Variants in NFRKB observed in about 807,000 individuals in gnomAD.
The protein encoded by NFRKB is nuclear factor related to kappaB binding protein, also known as nuclear factor related to kappa-B-binding protein.
In NFRKB, 62 loss-of-function variants were observed where a neutral mutation model predicts 135.7. The observed-to-expected ratio is 0.46, with a 90% CI of 0.37 to 0.56. The LOEUF (loss-of-function observed/expected upper bound fraction) is 0.56, where lower values mean the gene tolerates loss of function less well. Ranked by LOEUF, NFRKB falls within the 20% of genes least tolerant of loss-of-function variation. The pLI is 0.00. For synonymous variants in NFRKB, 678 were observed against 635.6 expected (o/e 1.07, Z -1.00); for missense variants, 1,545 against 1,662.0 (o/e 0.93, Z 1.22).
intron 3 of NFRKB, among the ~76,000 whole-genome samples, chr11:129,889,244 G>A (rs1432375764): frequency 6.6e-6 from 1 of 152,158 alleles, no homozygotes; most frequent in African/African-American, 2.4e-5. Context: ...TTACAGGCAT[G>A]AGCCACCATG....
intron 1 of NFRKB, among the ~76,000 whole-genome samples, chr11:129,894,975 A>C (rs1237653065): frequency 2.6e-5 from 4 of 152,164 alleles, no homozygotes; most frequent in Admixed American, 2.0e-4. Context: ...GTCCACTGAC[A>C]ACCTTTGCAC....
intron 6 of NFRKB, among the ~76,000 whole-genome samples, chr11:129,885,172 G>A (rs987864059): frequency 6.6e-6 from 1 of 152,180 alleles, no homozygotes; most frequent in Non-Finnish European, 1.5e-5. Flanking sequence ...GTCGTGCAGG[G>A]AGTCGTCTGG....
In NFRKB at chr11:129,870,091, G is replaced by C; in HGVS notation, c.2934C>G (p.Ala978=). 1 of 1,614,268 alleles carries C rather than the reference G, an allele frequency of 6.2e-7. No individual in the cohort carries two copies. The highest frequency in any genetic ancestry group is 8.5e-7 in the Non-Finnish European group (1 of 1,180,048). Reference sequence around the variant, plus strand: ...TGGTAACCTGGGACTTGGCCAATGTGGCCATCATGTCCGGAGTGATTCGCA... The same window carrying C: ...TGGTAACCTGGGACTTGGCCAATGTCGCCATCATGTCCGGAGTGATTCGCA... ...TVLRITPDMM[A]TLAKSQVTTV... is the part of the protein sequence containing the mutation. The change falls in exon 24 of 27, where the codon GCC becomes GCG. Residue 978 remains alanine (A), a synonymous_variant. Transcript: ENST00000682444.
chr11:129,867,907 G>GTT (rs1295892839), intron 24 of NFRKB, among the ~76,000 whole-genome samples: 2 of 152,156 alleles, frequency 1.3e-5, no homozygotes, highest in Admixed American at 1.3e-4. Flanking sequence ...AAGCTAGTGG[G>GTT]GGAAGCAATA....
At chr11:129,869,183 G>A (rs1271916094) in intron 24 of NFRKB, among the ~76,000 whole-genome samples, 6 of 152,180 alleles carry the variant, frequency 3.9e-5, no homozygotes, top group East Asian at 1.9e-4. Context: ...GAACTGGAAC[G>A]TAGTCAGGTT....
chr11:129,881,562 A>T, intron 12 of NFRKB, 54 bp from the exon 13 acceptor site: 1 of 1,610,188 alleles, frequency 6.2e-7, no homozygotes, highest in Non-Finnish European at 8.5e-7. Context: ...CTGAGCTCCG[A>T]AACAGCTTTT....
At chr11:129,885,873 C>A (rs971951108) in intron 5 of NFRKB, among the ~76,000 whole-genome samples, 22 of 152,192 alleles carry the variant, frequency 1.4e-4, no homozygotes, top group African/African-American at 5.3e-4. Flanking sequence ...TACACCAAAG[C>A]TTAAAGGATG....
chr11:129,865,011 A>G lies in NFRKB; in HGVS notation c.3729T>C (p.Thr1243=). The change falls in exon 26 of 27, where the codon ACT becomes ACC. Residue 1243 remains threonine, a synonymous_variant. Transcript: ENST00000682444. ...GCTGAAGCTGCTGCAACTGCTGAGCAGTGAGGAAACTAACAGGCTTATTGC... is the reference window on the plus strand; with the variant it reads ...GCTGAAGCTGCTGCAACTGCTGAGCGGTGAGGAAACTAACAGGCTTATTGC... ...IAGNKPVSFL[T]AQQLQQLQQQ... 1 of 1,613,262 alleles carries G rather than the reference A, an allele frequency of 6.2e-7. No homozygotes were observed. The highest frequency in any genetic ancestry group is 1.1e-5 in the South Asian group (1 of 91,034).
At position 129,888,342 on chromosome 11, in the gene NFRKB, T is replaced by TA. The variant is rs1324867692; in HGVS notation, c.337+251dup. 9.3e-6 allele frequency: 6 copies of TA among 643,250 alleles called. No homozygotes were observed. In the African/African-American group the frequency reaches 1.1e-4, roughly 12 times the overall value. The allele number at this position is 643,250 out of a possible 1,614,324, so 39.8% of individuals were successfully genotyped here. A position where few individuals can be genotyped will look rare whatever the true frequency, so the allele number is the denominator to read the frequency against. On this transcript the variant is annotated intron_variant, in intron 4 of 26. Coordinates refer to ENST00000682444, the MANE Select transcript of NFRKB (RefSeq NM_001143835.2). Reference sequence around the variant, plus strand: ...GTATGCTGGAAATGTTTTATTTTTTTATGTAGATGCTGGTTACAAGCTGAT... The same window carrying TA: ...GTATGCTGGAAATGTTTTATTTTTTTAATGTAGATGCTGGTTACAAGCTGAT...
At chr11:129,876,950 C>A in intron 16 of NFRKB, 55 bp from the exon 17 acceptor site, 1 of 1,525,872 alleles carries the variant, frequency 6.6e-7, no homozygotes, top group Non-Finnish European at 9.0e-7. Flanking sequence ...GGTTCTCTCT[C>A]GGGCTTCCTT....
At chr11:129,885,636 A>G in intron 5 of NFRKB, 27 bp from the exon 6 acceptor site, 1 of 1,583,384 alleles carries the variant, frequency 6.3e-7, no homozygotes, top group South Asian at 1.1e-5. Flanking sequence ...TGGGGGTACA[A>G]GTCATCATCC....
At position 129,865,951 on chromosome 11, in the gene NFRKB, G is replaced by A. The variant is rs149234091; in HGVS notation, c.3564C>T (p.Leu1188=). The A allele has an allele frequency of 2.8e-5, 45 of 1,613,496 alleles. No individual in the cohort carries two copies. In the African/African-American group the frequency reaches 5.3e-4, roughly 19 times the overall value. ...CCTTCATTGGCTGGCTGATCACAGAGAGGGGAACTGTGATCCGTGTAGGCA... is the reference window on the plus strand; with the variant it reads ...CCTTCATTGGCTGGCTGATCACAGAAAGGGGAACTGTGATCCGTGTAGGCA... ...GKLPTRITVP[L]SVISQPMKGK... is the part of the protein sequence containing the mutation. The change falls in exon 25 of 27, where the codon CTC becomes CTT. Residue 1188 remains leucine (L), a synonymous_variant. Transcript: ENST00000682444.
rs57265744 is a variant in NFRKB at position 129,885,256 on chromosome 11, T to C, written c.640+179A>G. Among the ~76,000 whole-genome samples the C allele has an allele frequency of 7.4e-3, 1,131 of 152,304 alleles. 11 individuals are homozygous for C. Among genetic ancestry groups the C allele is most frequent in the African/African-American group, 0.025 (1,038 of 41,570 alleles). On this transcript the variant is annotated intron_variant, in intron 6 of 26. Transcript: ENST00000682444. ...GGCCATGGAGTCACTCCCCATCTGA[T>C]GGCAATGTCTCAGCAACCCAAAGAC...
At chr11:129,895,345 C>G (rs1166505687) in intron 1 of NFRKB, among the ~76,000 whole-genome samples, 151 bp downstream of exon 1, 2 of 151,900 alleles carry the variant, frequency 1.3e-5, no homozygotes, top group African/African-American at 2.4e-5. Flanking sequence ...AACCCTAACC[C>G]CCAGCCTCAC....
chr11:129,875,919 A>G (rs1458224288), intron 17 of NFRKB, among the ~76,000 whole-genome samples: 2 of 152,104 alleles, frequency 1.3e-5, no homozygotes, highest in Non-Finnish European at 2.9e-5. Context: ...GGCCTCCCAA[A>G]GTGCTGGGAT....
intron 24 of NFRKB, among the ~76,000 whole-genome samples, chr11:129,869,171 GA>G (rs1443482379): frequency 6.6e-6 from 1 of 152,216 alleles, no homozygotes; most frequent in African/African-American, 2.4e-5. Flanking sequence ...TTCATGAAGG[GA>G]GAACTGGAAC....
intron 24 of NFRKB, among the ~76,000 whole-genome samples, chr11:129,869,126 G>A (rs1440162196): frequency 6.6e-6 from 1 of 152,208 alleles, no homozygotes; most frequent in East Asian, 1.9e-4. Context: ...AAAGGACTAG[G>A]AGGATAAATG....
At chr11:129,887,740 A>G (rs1318115328) in intron 4 of NFRKB, among the ~76,000 whole-genome samples, 1 of 152,240 alleles carries the variant, frequency 6.6e-6, no homozygotes, top group East Asian at 1.9e-4. Flanking sequence ...AACAATCAAG[A>G]GAATTTGAAC....
At position 129,878,550 on chromosome 11, in the gene NFRKB, G is replaced by A; in HGVS notation, c.1385-7C>T. The stretch of plus-strand genomic sequence containing the variant: ...TCATTATCTTGGGATTGGCCTATTA[G>A]AGGAATAAAGAGATAAAAAAATAAG... On this transcript the variant is annotated splice_region_variant and splice_polypyrimidine_tract_variant and intron_variant, in intron 13 of 26. Coordinates refer to ENST00000682444, the MANE Select transcript of NFRKB (RefSeq NM_001143835.2). 3 of 1,607,652 alleles carry A rather than the reference G, an allele frequency of 1.9e-6. No homozygotes were observed. Among genetic ancestry groups the A allele is most frequent in the Non-Finnish European group, 2.6e-6 (3 of 1,175,408 alleles).
Sources: allele counts gnomAD v4.1 joint callset (sites outside exome capture counted in the v4.1 genomes callset), GRCh38; gene constraint gnomAD v4.1.1; transcripts MANE v1.5; gene names NCBI Gene and HGNC (gene_info 2026-07-23, HGNC 2026-07-21).